The following SLC4A4 variants were observed in gnomAD, a reference collection of about 807,000 sequenced individuals.
The protein encoded by SLC4A4 is solute carrier family 4 member 4.
In SLC4A4, 27 loss-of-function variants were observed where a neutral mutation model predicts 111.5. That is an observed-to-expected ratio of 0.24 (90% CI 0.18 to 0.33). The LOEUF (loss-of-function observed/expected upper bound fraction) is 0.33, where lower values mean the gene tolerates loss of function less well. SLC4A4 is among the 10% of genes least tolerant of loss of function. The probability of loss-of-function intolerance (pLI) is 1.00; values close to 1 mark genes in which losing one functional copy is unlikely to be tolerated. For synonymous variants in SLC4A4, 443 were observed against 463.4 expected (o/e 0.96, Z 0.57); for missense variants, 909 against 1,315.5 (o/e 0.69, Z 4.78).
chr4:71,094,374 A>G (rs1406297829), intron 2 of SLC4A4, among the ~76,000 whole-genome samples: 1 of 152,248 alleles, frequency 6.6e-6, no homozygotes, highest in East Asian at 1.9e-4. Flanking sequence ...TGGCATGTAC[A>G]GATCCTTTTC....
At chr4:71,204,800 C>G (rs1183096986) in intron 1 of SLC4A4, among the ~76,000 whole-genome samples, 1 of 151,908 alleles carries the variant, frequency 6.6e-6, no homozygotes, top group Non-Finnish European at 1.5e-5. Context: ...GAATATAGAC[C>G]ATGTATATGT....
intron 7 of SLC4A4, among the ~76,000 whole-genome samples, chr4:71,439,228 AC>A (rs1196118682): frequency 1.3e-5 from 2 of 151,548 alleles, no homozygotes; most frequent in Non-Finnish European, 2.9e-5. Flanking sequence ...GGAGTTCGAG[AC>A]CAGCCTGGCC....
At chr4:71,415,471 A>G (rs1390988496) in intron 7 of SLC4A4, among the ~76,000 whole-genome samples, 2 of 152,196 alleles carry the variant, frequency 1.3e-5, no homozygotes, top group African/African-American at 4.8e-5. Context: ...GTTGTATATT[A>G]TCATTAACCT....
intron 2 of SLC4A4, among the ~76,000 whole-genome samples, chr4:71,249,380 T>C (rs9790757): frequency 0.17 from 25,243 of 151,996 alleles, 2,458 homozygotes; most frequent in East Asian, 0.38. Context: ...AAAATAGAAA[T>C]CATCCCTTGT....
chr4:71,402,030 T>C (rs748260326), intron 7 of SLC4A4, among the ~76,000 whole-genome samples: 1 of 152,230 alleles, frequency 6.6e-6, no homozygotes, highest in African/African-American at 2.4e-5. Context: ...TTCTAAAGCA[T>C]ATTAGAATCA....
chr4:71,547,615 A>C (rs533112055), intron 19 of SLC4A4, 33 bp from the exon 20 acceptor site: 1 of 1,544,240 alleles, frequency 6.5e-7, no homozygotes, highest in Non-Finnish European at 9.0e-7. Context: ...TGAAGACAAG[A>C]GGTAGATTGG....
intron 7 of SLC4A4, among the ~76,000 whole-genome samples, chr4:71,419,215 C>G (rs1016115662): frequency 3.3e-5 from 5 of 152,198 alleles, no homozygotes; most frequent in Non-Finnish European, 7.3e-5. Context: ...AACCACTGCT[C>G]TCTTCAAAGC....
intron 14 of SLC4A4, among the ~76,000 whole-genome samples, chr4:71,475,874 T>C (rs1392203137): frequency 2.6e-5 from 4 of 151,844 alleles, no homozygotes; most frequent in Admixed American, 6.6e-5. Flanking sequence ...TTACTGATCC[T>C]TAAAATTTAG....
chr4:71,514,329 C>T (rs891333169), intron 16 of SLC4A4, among the ~76,000 whole-genome samples: 1 of 152,138 alleles, frequency 6.6e-6, no homozygotes, highest in Admixed American at 6.6e-5. Context: ...TCCCCCTTCA[C>T]CCTCTTCCTC....
At chr4:71,066,435 C>T (rs1741518449) in intron 1 of SLC4A4, among the ~76,000 whole-genome samples, 1 of 152,030 alleles carries the variant, frequency 6.6e-6, no homozygotes, top group African/African-American at 2.4e-5. Flanking sequence ...AGGTGCATTC[C>T]CTTTCCGTGA....
At chr4:71,387,236 T>G (rs948278838) in intron 6 of SLC4A4, among the ~76,000 whole-genome samples, 4 of 152,184 alleles carry the variant, frequency 2.6e-5, no homozygotes, top group African/African-American at 9.7e-5. Context: ...AGTTTTACAC[T>G]GACATTTCTA....
At chr4:71,082,901 T>C (rs114900215) in intron 1 of SLC4A4, among the ~76,000 whole-genome samples, 5,080 of 151,834 alleles carry the variant, frequency 0.033, 384 homozygotes, top group East Asian at 0.32. Flanking sequence ...TCACCCAGAC[T>C]GGAGTGCAGT....
intron 3 of SLC4A4, among the ~76,000 whole-genome samples, chr4:71,311,083 A>T (rs1726109354): frequency 6.6e-6 from 1 of 152,250 alleles, no homozygotes; most frequent in Admixed American, 6.5e-5. Flanking sequence ...AAAAAAGATC[A>T]AAAAAGACAA....
chr4:71,393,484 A>G (rs1719508333), intron 6 of SLC4A4, among the ~76,000 whole-genome samples: 1 of 152,202 alleles, frequency 6.6e-6, no homozygotes, highest in Admixed American at 6.5e-5. Flanking sequence ...AACAAGGCAA[A>G]CTATAAAACA....
At chr4:71,511,555 C>G (rs1578080918) in intron 16 of SLC4A4, among the ~76,000 whole-genome samples, 1 of 151,698 alleles carries the variant, frequency 6.6e-6, no homozygotes, top group East Asian at 1.9e-4. Flanking sequence ...TACTTTTGGT[C>G]TATTTTATTT....
At position 71,339,406 on chromosome 4, in the gene SLC4A4, G is replaced by A. The variant is rs781030949; in HGVS notation, c.290G>A (p.Gly97Glu). ...GCAGAACGCATCCGATTCATCTTGGGAGAGGAGGATGACAGCCCAGCTCCC... is the reference window on the plus strand; with the variant it reads ...GCAGAACGCATCCGATTCATCTTGGAAGAGGAGGATGACAGCCCAGCTCCC... ...PAAERIRFIL[G>E]EEDDSPAPPQ... The change falls in exon 4 of 26, where the codon GGA (glycine) becomes GAA (glutamate). Residue 97 changes from glycine to glutamate, a missense_variant. Coordinates refer to ENST00000264485, the MANE Select transcript of SLC4A4 (RefSeq NM_001098484.3). 28 of 1,614,168 alleles carry A rather than the reference G, an allele frequency of 1.7e-5. No homozygotes were observed. The highest frequency in any genetic ancestry group is 2.3e-5 in the Non-Finnish European group (27 of 1,180,034).
chr4:71,435,605 C>T (rs918589266), intron 7 of SLC4A4, among the ~76,000 whole-genome samples: 1 of 152,190 alleles, frequency 6.6e-6, no homozygotes, highest in Non-Finnish European at 1.5e-5. Context: ...AATAAACTGT[C>T]ATCAGAGTGA....
At chr4:71,459,888 T>C (rs1560527523) in intron 12 of SLC4A4, among the ~76,000 whole-genome samples, 1 of 152,088 alleles carries the variant, frequency 6.6e-6, no homozygotes, top group Admixed American at 6.6e-5. Context: ...AATGGTTCAT[T>C]TTTGTTTAAT....
chr4:71,127,324 G>A (rs991239484), intron 2 of SLC4A4, among the ~76,000 whole-genome samples: 45 of 152,278 alleles, frequency 3.0e-4, no homozygotes, highest in South Asian at 8.3e-4. Flanking sequence ...TTCAAAAAAC[G>A]AAGTCAAACA....
Sources: gnomAD v4.1 joint callset for allele counts (sites outside exome capture counted in the v4.1 genomes callset) on GRCh38, gnomAD v4.1.1 for gene constraint, MANE v1.5 for transcripts, NCBI Gene and HGNC (gene_info 2026-07-23, HGNC 2026-07-21) for gene names.